NDST3: variants seen among roughly 807,000 people sequenced by gnomAD.
NDST3 encodes bifunctional heparan sulfate N-deacetylase/N-sulfotransferase 3.
Under a neutral mutation model 96.1 loss-of-function variants are expected in NDST3, and 58 were observed. The observed-to-expected ratio is 0.60, with a 90% CI of 0.49 to 0.75. The LOEUF is 0.75. Ranked by LOEUF, NDST3 falls within the 30% of genes least tolerant of loss-of-function variation. The pLI, the probability that NDST3 is intolerant of heterozygous loss-of-function variation, is 0.00. For missense variants in NDST3, 788 were observed against 1,034.2 expected (o/e 0.76, Z 3.27); for synonymous variants, 333 against 359.7 (o/e 0.93, Z 0.84).
At chr4:118,072,109 C>A (rs1727128508) in intron 2 of NDST3, among the ~76,000 whole-genome samples, 1 of 152,040 alleles carries the variant, frequency 6.6e-6, no homozygotes, top group African/African-American at 2.4e-5. Flanking sequence ...AGTACCAATA[C>A]CATGCTGTTT....
At chr4:118,055,859 C>T (rs1038162628) in intron 2 of NDST3, among the ~76,000 whole-genome samples, 1 of 151,332 alleles carries the variant, frequency 6.6e-6, no homozygotes, top group Non-Finnish European at 1.5e-5. Context: ...AAGCATCTGG[C>T]AAATAATAGT....
At chr4:118,245,683 T>G (rs1300505393) in intron 12 of NDST3, among the ~76,000 whole-genome samples, 2 of 152,120 alleles carry the variant, frequency 1.3e-5, no homozygotes, top group Non-Finnish European at 2.9e-5. Context: ...CACCTAGAAA[T>G]GCTGAGTAGG....
chr4:118,067,757 G>T (rs1726711172), intron 2 of NDST3, among the ~76,000 whole-genome samples: 2 of 151,976 alleles, frequency 1.3e-5, no homozygotes, highest in African/African-American at 4.8e-5. Context: ...TCAGTGTGGA[G>T]GGTGGGGGTG....
At position 118,078,902 on chromosome 4, in the gene NDST3, T is replaced by A. The variant is rs147228549; in HGVS notation, c.981+24011T>A. 1.4e-4 allele frequency among the ~76,000 whole-genome samples: 22 copies of A among 152,334 alleles called. No individual in the cohort carries two copies. The East Asian group carries it at 3.5e-3, about 24-fold the overall frequency. On this transcript the variant is annotated intron_variant, in intron 2 of 13. Transcript: ENST00000296499. ...TAGCATGAAAGTGAGAATGACACTC[T>A]ATGTCAAATGCCTAATACAAGTTGG... is the stretch of plus-strand genomic sequence containing the variant.
rs367843607 is a variant in NDST3 at position 118,054,063 on chromosome 4, C to T, written c.153C>T (p.Asp51=). The change falls in exon 2 of 14, where the codon GAC becomes GAT. Residue 51 remains aspartate, a synonymous_variant. Coordinates refer to ENST00000296499, the MANE Select transcript of NDST3 (RefSeq NM_004784.3). ...TCTCTGAGACGGCTTCAGAAGTTGACTGTGGCGACCTCCAACACCTACCAT... is the reference window on the plus strand; with the variant it reads ...TCTCTGAGACGGCTTCAGAAGTTGATTGTGGCGACCTCCAACACCTACCAT... ...NELSETASEV[D]CGDLQHLPYQ... 3.1e-6 allele frequency: 5 copies of T among 1,612,888 alleles called. No homozygotes were observed. The African/African-American group carries it at 6.7e-5, about 22-fold the overall frequency.
chr4:118,156,502 T>C lies in NDST3; in HGVS notation c.1539+12818T>C, dbSNP rs147999673. Among the ~76,000 whole-genome samples the C allele has an allele frequency of 3.1e-4, 47 of 152,320 alleles. No individual in the cohort carries two copies. The East Asian group carries it at 8.3e-3, about 27-fold the overall frequency. ...GCAAAAGTTTTGGCACATAGTAGGT[T>C]CTAAATAAAAGACAATGTGTTTCCC... On this transcript the variant is annotated intron_variant, in intron 6 of 13. Coordinates refer to ENST00000296499, the MANE Select transcript of NDST3 (RefSeq NM_004784.3).
At chr4:118,210,771 T>C (rs1232314965) in intron 6 of NDST3, among the ~76,000 whole-genome samples, 2 of 103,086 alleles carry the variant, frequency 1.9e-5, no homozygotes, top group Non-Finnish European at 3.8e-5. Context: ...TGAGACTCCA[T>C]CTCAAAAAAA....
chr4:118,113,216 T>C (rs983926107), intron 3 of NDST3, among the ~76,000 whole-genome samples: 2 of 152,176 alleles, frequency 1.3e-5, no homozygotes, highest in Non-Finnish European at 2.9e-5. Context: ...AACTCAAATA[T>C]GTTGGAACCT....
chr4:118,141,640 T>C (rs1254070155), intron 5 of NDST3, among the ~76,000 whole-genome samples: 2 of 152,212 alleles, frequency 1.3e-5, no homozygotes, highest in Admixed American at 6.5e-5. Flanking sequence ...ATATATCCTA[T>C]AATTTTCCAA....
At chr4:118,132,851 T>G (rs1187960347) in intron 4 of NDST3, among the ~76,000 whole-genome samples, 1 of 152,140 alleles carries the variant, frequency 6.6e-6, no homozygotes, top group Non-Finnish European at 1.5e-5. Flanking sequence ...TCAAGAAATA[T>G]TCTCTCCAGG....
chr4:118,099,824 GT>G (rs1242850904), intron 2 of NDST3, among the ~76,000 whole-genome samples: 5 of 151,956 alleles, frequency 3.3e-5, no homozygotes, highest in African/African-American at 1.2e-4. Flanking sequence ...ATATTTCAAT[GT>G]TTTTCTTGTC....
chr4:118,047,255 C>G (rs1040825936), intron 1 of NDST3, among the ~76,000 whole-genome samples: 1 of 152,224 alleles, frequency 6.6e-6, no homozygotes, highest in Non-Finnish European at 1.5e-5. Context: ...ACAAATCCAA[C>G]TGAAGTACTC....
chr4:118,173,335 G>A (rs1266597143), intron 6 of NDST3, among the ~76,000 whole-genome samples: 1 of 152,082 alleles, frequency 6.6e-6, no homozygotes, highest in Admixed American at 6.6e-5. Flanking sequence ...CTGTCATTGT[G>A]CTTTGTTGAT....
At chr4:118,105,142 C>T (rs1388207047) in intron 3 of NDST3, 37 bp downstream of exon 3, 3 of 1,471,200 alleles carry the variant, frequency 2.0e-6, no homozygotes, top group Non-Finnish European at 2.9e-6. Flanking sequence ...ATTAAGGCTT[C>T]TCTGATCACT....
At chr4:118,217,905 T>C (rs527523894) in intron 6 of NDST3, among the ~76,000 whole-genome samples, 11 of 152,182 alleles carry the variant, frequency 7.2e-5, no homozygotes, top group African/African-American at 2.6e-4. Context: ...CATCAGAGAA[T>C]ACTATAAACA....
At chr4:118,220,208 A>G (rs930039492) in intron 6 of NDST3, among the ~76,000 whole-genome samples, 9 of 152,096 alleles carry the variant, frequency 5.9e-5, no homozygotes, top group Admixed American at 1.3e-4. Flanking sequence ...AACCAACCCA[A>G]ATGCCCAACA....
At chr4:118,039,953 C>A (rs1724352484) in intron 1 of NDST3, among the ~76,000 whole-genome samples, 1 of 152,160 alleles carries the variant, frequency 6.6e-6, no homozygotes, top group Non-Finnish European at 1.5e-5. Flanking sequence ...AATAAGCAAT[C>A]ATTGACAGGA....
intron 6 of NDST3, among the ~76,000 whole-genome samples, chr4:118,182,729 G>A (rs897839208): frequency 6.6e-6 from 1 of 152,144 alleles, no homozygotes; most frequent in Non-Finnish European, 1.5e-5. Context: ...AAGATCTCAG[G>A]ATATAAAACA....
At chr4:118,150,381 C>T (rs1734305641) in intron 6 of NDST3, among the ~76,000 whole-genome samples, 1 of 152,038 alleles carries the variant, frequency 6.6e-6, no homozygotes, top group African/African-American at 2.4e-5. Context: ...ACAAAATTGA[C>T]AAATGGGATC....
Sources: allele counts gnomAD v4.1 joint callset (sites outside exome capture counted in the v4.1 genomes callset), GRCh38; gene constraint gnomAD v4.1.1; transcripts MANE v1.5; gene names NCBI Gene and HGNC (gene_info 2026-07-23, HGNC 2026-07-21).